Variants in DDX5 observed in about 807,000 individuals in gnomAD.
DDX5 encodes DEAD-box helicase 5, also known as probable ATP-dependent RNA helicase DDX5.
A neutral mutation model predicts 68.6 loss-of-function variants in DDX5; 6 were observed. That is an observed-to-expected ratio of 0.09 (90% confidence interval 0.05 to 0.17). The LOEUF (loss-of-function observed/expected upper bound fraction) is 0.17, where lower values mean the gene tolerates loss of function less well. Ranked by LOEUF, DDX5 falls within the 10% of genes least tolerant of loss-of-function variation. The pLI, the probability that DDX5 is intolerant of heterozygous loss-of-function variation, is 1.00. For missense variants in DDX5, 499 were observed against 756.1 expected (o/e 0.66, Z 3.99); for synonymous variants, 350 against 247.0 (o/e 1.42, Z -3.91).
intron 11 of DDX5, chr17:64,501,332 T>C (rs1555671062): frequency 6.3e-6 from 1 of 159,758 alleles, no homozygotes; most frequent in Non-Finnish European, 1.4e-5. Flanking sequence ...CAGGATTCAC[T>C]TGAGAATGTG....
chr17:64,499,050 A>G lies in DDX5; in HGVS notation c.*873T>C, dbSNP rs2038228939. ...GCCCCAGGGAGCCTGTGAAGACTAG[A>G]ATCTACAAGTAACCTGCACTAAGAA... On this transcript the variant is annotated 3_prime_UTR_variant, in exon 13 of 13. Transcript: ENST00000225792. Among the ~76,000 whole-genome samples the G allele has an allele frequency of 6.6e-6, 1 of 152,192 alleles. No individual in the cohort carries two copies. The highest frequency in any genetic ancestry group is 2.1e-4 in the South Asian group (1 of 4,828).
At chr17:64,501,978 A>G in intron 11 of DDX5, 32 bp downstream of exon 11, 1 of 1,606,654 alleles carries the variant, frequency 6.2e-7, no homozygotes, top group Non-Finnish European at 8.5e-7. Context: ...ATCTTCTGGG[A>G]AACCAAGCCA....
At chr17:64,506,503 C>T, upstream of DDX5, 1 of 832,370 alleles carries the variant, frequency 1.2e-6, no homozygotes, top group Non-Finnish European at 1.7e-6. Context: ...TCTGCACTCT[C>T]TTGACCTCAC....
Position 64,499,955 on chromosome 17 carries a change from C to G in DDX5, c.1813G>C (p.Gly605Arg). 6.2e-7 allele frequency: 1 copy of G among 1,609,462 alleles called. No individual in the cohort carries two copies. Among genetic ancestry groups the G allele is most frequent in the Non-Finnish European group, 8.5e-7 (1 of 1,177,326 alleles). Residue 605 changes from glycine to arginine, a missense_variant, in exon 13 of 13, where the codon GGT (glycine) becomes CGT (arginine). Physicochemically the swap from Gly to Arg is moderately radical, Grantham distance 125. Coordinates refer to ENST00000225792, the MANE Select transcript of DDX5 (RefSeq NM_004396.5). ...GAATATCCTGTTGGCATTGGATAACCAATCATAGGTGCAGCTGCAGTAGCA... is the reference window on the plus strand; with the variant it reads ...GAATATCCTGTTGGCATTGGATAACGAATCATAGGTGCAGCTGCAGTAGCA... The part of the protein sequence containing the change: ...YPATAAAPMI[G>R]YPMPTGYSQ
intron 12 of DDX5, 46 bp downstream of exon 12, chr17:64,500,485 TAAATGGATTTGTAGACAA>T: frequency 6.4e-7 from 1 of 1,553,210 alleles, no homozygotes; most frequent in Non-Finnish European, 8.8e-7. Flanking sequence ...CAATACCATT[TAAATGGATTTGTAGACAA>T]CGATGTGACT....
rs782650149 is a variant in DDX5, at chr17:64,500,055, A to G, written c.1713T>C (p.Tyr571=). 42 of 1,614,232 alleles carry G rather than the reference A, an allele frequency of 2.6e-5. No individual in the cohort carries two copies. The highest frequency in any genetic ancestry group is 3.4e-5 in the Non-Finnish European group (40 of 1,180,038). Residue 571 remains tyrosine (Y), a synonymous_variant, in exon 13 of 13, where the codon TAT becomes TAC. Transcript: ENST00000225792. ...TACTTCCGTATTGCTGAGTGCTATC[A>G]TAACCATTCTGGTAAGTCCCTGTTG... ...GNPTGTYQNG[Y]DSTQQYGSNV... is the part of the protein sequence containing the mutation.
rs1356239402 is a variant in DDX5 at position 64,503,588 on chromosome 17, A to T, written c.508-17T>A. On this transcript the variant is annotated splice_polypyrimidine_tract_variant and intron_variant, in intron 5 of 12. Transcript: ENST00000225792. The stretch of plus-strand genomic sequence containing the variant: ...CACCAAACACTAAGGAAAGAGAAAC[A>T]GCTTTCAGCACAAACCTGGATACTA... The T allele has an allele frequency of 3.1e-6, 5 of 1,612,688 alleles. No individual in the cohort carries two copies. Among genetic ancestry groups the T allele is most frequent in the Non-Finnish European group, 4.2e-6 (5 of 1,179,520 alleles).
intron 1 of DDX5, chr17:64,505,608 G>A (rs1322070137): frequency 3.2e-6 from 3 of 923,942 alleles, no homozygotes; most frequent in Admixed American, 2.1e-5. Flanking sequence ...TCCGAGGCCG[G>A]CATTTTGTAC....
intron 1 of DDX5, 144 bp downstream of exon 1, chr17:64,505,932 A>G: frequency 6.5e-7 from 1 of 1,534,546 alleles, no homozygotes; most frequent in South Asian, 1.2e-5. Flanking sequence ...TGAATATCAA[A>G]ATGGCGCAAG....
At chr17:64,502,664 G>A (rs547744637) in intron 8 of DDX5, 115 bp from the exon 9 acceptor site, 4 of 812,304 alleles carry the variant, frequency 4.9e-6, no homozygotes, top group Admixed American at 5.2e-5. Context: ...AAGTCAAAGA[G>A]GAAACGCCTG....
intron 9 of DDX5, 52 bp from the exon 10 acceptor site, chr17:64,502,275 T>G (rs2038315627): frequency 5.0e-6 from 8 of 1,596,180 alleles, no homozygotes; most frequent in Non-Finnish European, 6.9e-6. Flanking sequence ...AACCTCAGAC[T>G]CCAGTGCTTG....
chr17:64,506,001 C>T (rs2038493056), intron 1 of DDX5, 75 bp downstream of exon 1: 1 of 1,543,530 alleles, frequency 6.5e-7, no homozygotes, highest in South Asian at 1.2e-5. Context: ...CCGCAAAGCC[C>T]CCGCCGGCCG....
chr17:64,505,734 G>A (rs1351482892), intron 1 of DDX5: 3 of 1,536,010 alleles, frequency 2.0e-6, no homozygotes, highest in Non-Finnish European at 2.6e-6. Context: ...AACACCTCCC[G>A]AAACGCCGCA....
chr17:64,505,027 C>T, intron 1 of DDX5, 185 bp from the exon 2 acceptor site: 1 of 538,384 alleles, frequency 1.9e-6, no homozygotes, highest in South Asian at 3.0e-5. Context: ...CCCGTAGTCC[C>T]AAGTACACAT....
Position 64,503,314 on chromosome 17 carries a change from C to G in DDX5, c.684G>C (p.Leu228=). 1 of 1,614,198 alleles carries G rather than the reference C, an allele frequency of 6.2e-7. No individual in the cohort carries two copies. Among genetic ancestry groups the G allele is most frequent in the Non-Finnish European group, 8.5e-7 (1 of 1,180,034 alleles). ...TTTTTCCACACTCTAAAAAGTCAAT[C>G]AGTCTTCCAGGTGTTGCAATACAGA... The part of the protein sequence containing the change: ...VEICIATPGR[L]IDFLECGKTN... The change falls in exon 7 of 13, where the codon CTG becomes CTC. Residue 228 remains leucine (L), a synonymous_variant. Coordinates refer to ENST00000225792, the MANE Select transcript of DDX5 (RefSeq NM_004396.5).
At chr17:64,506,020 A>AACCCCCCCCCCCCCCCCCCCCCCC in intron 1 of DDX5, 56 bp downstream of exon 1, 3 of 868,074 alleles carry the variant, frequency 3.5e-6, no homozygotes, top group Non-Finnish European at 5.1e-6. Flanking sequence ...CGCCACCCTG[A>AACCCCCCCCCCCCCCCCCCCCCCC]CCCGCCCTCC....
chr17:64,501,111 ACAG>A, intron 11 of DDX5: 1 of 305,194 alleles, frequency 3.3e-6, no homozygotes. Context: ...TTAAAGTTTC[ACAG>A]CAACCTCTTC....
In DDX5 at chr17:64,498,607, A is replaced by C. The variant is rs2038213228; in HGVS notation, c.*1316T>G. Reference sequence around the variant, plus strand: ...CCTATCCCAGCCCTAGCAAATTCTAACTTTACATTTGACATAAGGCATTAA... The same window carrying C: ...CCTATCCCAGCCCTAGCAAATTCTACCTTTACATTTGACATAAGGCATTAA... On this transcript the variant is annotated 3_prime_UTR_variant, in exon 13 of 13. Coordinates refer to ENST00000225792, the MANE Select transcript of DDX5 (RefSeq NM_004396.5). Among the ~76,000 whole-genome samples, 1 of 152,214 alleles carries C rather than the reference A, an allele frequency of 6.6e-6. No individual in the cohort carries two copies. Among genetic ancestry groups the C allele is most frequent in the Non-Finnish European group, 1.5e-5 (1 of 68,040 alleles).
Position 64,503,285 on chromosome 17 carries a change from T to C in DDX5, c.713A>G (p.Asn238Ser), listed in dbSNP as rs2038343591. Residue 238 changes from asparagine to serine, a missense_variant, in exon 7 of 13, where the codon AAT (asparagine) becomes AGT (serine). Around this residue, in one of 5 missense-constraint regions of DDX5, gnomAD observed 141 missense variants for 279.8 expected, o/e 0.50. Coordinates refer to ENST00000225792, the MANE Select transcript of DDX5 (RefSeq NM_004396.5). The stretch of plus-strand genomic sequence containing the variant: ...GACAAGGTAGGTTGTTCTTCTCAGA[T>C]TGGTTTTTCCACACTCTAAAAAGTC... ...LIDFLECGKT[N>S]LRRTTYLVLD... The C allele has an allele frequency of 1.2e-6, 2 of 1,614,128 alleles. No homozygotes were observed. Among genetic ancestry groups the C allele is most frequent in the Admixed American group, 1.7e-5 (1 of 60,012 alleles).
Sources: gnomAD v4.1 joint callset for allele counts (sites outside exome capture counted in the v4.1 genomes callset) on GRCh38, gnomAD v4.1.1 for gene constraint, gnomAD v4.1.1 regional missense constraint, MANE v1.5 for transcripts, NCBI Gene and HGNC (gene_info 2026-07-23, HGNC 2026-07-21) for gene names.